L2HGDH: variants seen among roughly 807,000 people sequenced by gnomAD.
The protein encoded by L2HGDH is L-2-hydroxyglutarate dehydrogenase, mitochondrial.
A neutral mutation model predicts 51.5 loss-of-function variants in L2HGDH; 34 were observed. The ratio of observed to expected loss-of-function variants is 0.66; its 90% confidence interval spans 0.50 to 0.88. The LOEUF is 0.88. L2HGDH is among the 40% of genes least tolerant of loss of function. The pLI, the probability that L2HGDH is intolerant of heterozygous loss-of-function variation, is 0.00. For synonymous variants in L2HGDH, 198 were observed against 197.9 expected (o/e 1.00, Z -0.01); for missense variants, 558 against 571.9 (o/e 0.98, Z 0.25).
intron 9 of L2HGDH, among the ~76,000 whole-genome samples, chr14:50,252,831 A>G (rs148541766): frequency 6.6e-6 from 1 of 152,138 alleles, no homozygotes; most frequent in Non-Finnish European, 1.5e-5. Flanking sequence ...CAATATAATA[A>G]TAGCTGGAGA....
intron 9 of L2HGDH, among the ~76,000 whole-genome samples, chr14:50,248,557 C>A (rs74699989): frequency 0.01 from 1,554 of 152,206 alleles, 23 homozygotes; most frequent in African/African-American, 0.035. Flanking sequence ...AAGTAACTTG[C>A]CTGAAATCAC....
intron 1 of L2HGDH, among the ~76,000 whole-genome samples, chr14:50,306,402 G>A (rs1322838904): frequency 6.6e-6 from 1 of 152,036 alleles, no homozygotes; most frequent in East Asian, 1.9e-4. Context: ...GGCAGTGTGT[G>A]TATAAGAGAG....
rs1022901723 is a variant in L2HGDH, at chr14:50,242,962, T to C, written c.*4096A>G. On this transcript the variant is annotated 3_prime_UTR_variant, in exon 10 of 10. Transcript: ENST00000267436. ...GTACAGCCATCAGGGTTGGATTGCCTCCAAAAGTAGGCCCTACAAACTCCC... is the reference window on the plus strand; with the variant it reads ...GTACAGCCATCAGGGTTGGATTGCCCCCAAAAGTAGGCCCTACAAACTCCC... 6.9e-5 allele frequency: 68 copies of C among 985,376 alleles called. No individual in the cohort carries two copies. In the Admixed American group the frequency reaches 2.3e-3, roughly 34 times the overall value. 61.0% of individuals were successfully genotyped at this position (985,376 alleles called of 1,614,324 possible).
intron 5 of L2HGDH, among the ~76,000 whole-genome samples, chr14:50,280,933 G>T (rs1285089496): frequency 6.6e-6 from 1 of 151,896 alleles, no homozygotes; most frequent in African/African-American, 2.4e-5. Flanking sequence ...TCCTGCCTCA[G>T]CCTCCTAAGT....
intron 4 of L2HGDH, chr14:50,293,218 G>A: frequency 2.8e-6 from 2 of 702,246 alleles, no homozygotes; most frequent in South Asian, 1.5e-5. Flanking sequence ...ATATCATAAA[G>A]GCAATACTGC....
intron 4 of L2HGDH, among the ~76,000 whole-genome samples, chr14:50,287,512 T>C (rs1309450312): frequency 6.6e-5 from 10 of 151,974 alleles, no homozygotes; most frequent in Non-Finnish European, 1.5e-4. Flanking sequence ...TTTGAAAGAC[T>C]TTTCATGAGC....
At chr14:50,294,316 A>G (rs1032648847) in intron 3 of L2HGDH, 70 bp from the exon 4 acceptor site, 15 of 1,499,406 alleles carry the variant, frequency 1.0e-5, no homozygotes, top group African/African-American at 1.4e-5. Context: ...GATAAAGTCA[A>G]TGGAAAATCA....
At chr14:50,307,300 AC>A (rs2030789921) in intron 1 of L2HGDH, among the ~76,000 whole-genome samples, 1 of 152,176 alleles carries the variant, frequency 6.6e-6, no homozygotes, top group Admixed American at 6.5e-5. Flanking sequence ...TTTTCCAACT[AC>A]ATGTGCCACC....
intron 4 of L2HGDH, among the ~76,000 whole-genome samples, chr14:50,291,316 C>T (rs1477458372): frequency 6.6e-6 from 1 of 151,332 alleles, no homozygotes; most frequent in Non-Finnish European, 1.5e-5. Context: ...AGACTTTGAC[C>T]ATTTAGAATT....
intron 9 of L2HGDH, among the ~76,000 whole-genome samples, chr14:50,261,730 C>T (rs1021327502): frequency 1.3e-5 from 2 of 152,184 alleles, no homozygotes; most frequent in Non-Finnish European, 2.9e-5. Context: ...GCGATCCTCC[C>T]ACCTCAGCCT....
intron 1 of L2HGDH, among the ~76,000 whole-genome samples, chr14:50,304,608 G>A (rs1192191998): frequency 6.6e-6 from 1 of 152,168 alleles, no homozygotes. Context: ...GGCCAAGGCG[G>A]GCAGATCACG....
chr14:50,303,971 T>G (rs2030580812), intron 1 of L2HGDH, among the ~76,000 whole-genome samples: 2 of 152,140 alleles, frequency 1.3e-5, no homozygotes, highest in Non-Finnish European at 2.9e-5. Flanking sequence ...AGTCATGCGT[T>G]GCTTAACCAT....
intron 3 of L2HGDH, 52 bp from the exon 4 acceptor site, chr14:50,294,298 C>T (rs747925431): frequency 8.9e-6 from 14 of 1,571,374 alleles, no homozygotes; most frequent in Admixed American, 1.7e-5. Context: ...GTATCATCAG[C>T]GATGAAAGAT....
intron 4 of L2HGDH, among the ~76,000 whole-genome samples, chr14:50,290,001 C>G (rs2139181142): frequency 6.6e-6 from 1 of 152,282 alleles, no homozygotes; most frequent in East Asian, 1.9e-4. Flanking sequence ...CGCAGTGGCT[C>G]ACGCCTGTAA....
chr14:50,293,878 T>C (rs1201931459), intron 4 of L2HGDH, among the ~76,000 whole-genome samples: 1 of 152,224 alleles, frequency 6.6e-6, no homozygotes, highest in Non-Finnish European at 1.5e-5. Context: ...AAACATGCCA[T>C]GTGGTCTCAG....
intron 4 of L2HGDH, among the ~76,000 whole-genome samples, chr14:50,284,800 A>G (rs570232283): frequency 9.2e-5 from 14 of 152,340 alleles, no homozygotes; most frequent in African/African-American, 2.6e-4. Context: ...AGTGCTATTA[A>G]TAAATTCTGC....
intron 1 of L2HGDH, among the ~76,000 whole-genome samples, chr14:50,304,022 T>C (rs1279369555): frequency 6.6e-6 from 1 of 152,128 alleles, no homozygotes; most frequent in East Asian, 1.9e-4. Context: ...GCGATTTCCT[T>C]GTGCAAACAG....
chr14:50,295,328 T>C (rs1034562639), intron 3 of L2HGDH, among the ~76,000 whole-genome samples: 2 of 152,152 alleles, frequency 1.3e-5, no homozygotes, highest in Admixed American at 6.5e-5. Context: ...TGAGCTGTGA[T>C]TGTGCCACTG....
chr14:50,263,583 TA>T (rs1235549264), intron 9 of L2HGDH, among the ~76,000 whole-genome samples: 1 of 152,140 alleles, frequency 6.6e-6, no homozygotes, highest in East Asian at 1.9e-4. Context: ...TATCTAGTGC[TA>T]AGAAAATTCA....
Sources: gnomAD v4.1 joint callset for allele counts (sites outside exome capture counted in the v4.1 genomes callset) on GRCh38, gnomAD v4.1.1 for gene constraint, MANE v1.5 for transcripts, NCBI Gene and HGNC (gene_info 2026-07-23, HGNC 2026-07-21) for gene names.